The following PRKN variants were observed in gnomAD, a reference collection of about 807,000 sequenced individuals.
PRKN encodes parkin RBR E3 ubiquitin protein ligase, also known as E3 ubiquitin-protein ligase parkin.
A neutral mutation model predicts 59.5 loss-of-function variants in PRKN; 56 were observed. That is an observed-to-expected ratio of 0.94 (90% CI 0.76 to 1.18). The LOEUF is 1.18. PRKN is among the 50% of genes most tolerant of loss of function. The pLI is 0.00. For synonymous variants in PRKN, 250 were observed against 222.1 expected (o/e 1.13, Z -1.12); for missense variants, 657 against 596.4 (o/e 1.10, Z -1.06).
chr6:161,443,335 G>T (rs1789334221), intron 9 of PRKN, among the ~76,000 whole-genome samples: 1 of 151,754 alleles, frequency 6.6e-6, no homozygotes, highest in Non-Finnish European at 1.5e-5. Context: ...AAATCAGGGA[G>T]TGAAGTTCCT....
In PRKN at chr6:162,261,905, C is replaced by A. The variant is rs1779902470; in HGVS notation, c.412+620G>T. ...TCTTGCAGGCCCCAGAACTTTCTGA[C>A]ACTGTGAAGGCCATACCAGCCCACA... On this transcript the variant is annotated intron_variant, in intron 3 of 11. Transcript: ENST00000366898. Among the ~76,000 whole-genome samples, 2 of 152,102 alleles carry A rather than the reference C, an allele frequency of 1.3e-5. 1 individual carries two copies. The highest frequency in any genetic ancestry group is 4.1e-4 in the South Asian group (2 of 4,828).
Position 161,377,400 on chromosome 6 carries a change from G to T in PRKN, c.1167+9394C>A, listed in dbSNP as rs779477221. ...CTTGGGCTCACAACCATGGCCCCACGGTGGTAGTGGCCGGGCTGGGGAGAT... is the reference window on the plus strand; with the variant it reads ...CTTGGGCTCACAACCATGGCCCCACTGTGGTAGTGGCCGGGCTGGGGAGAT... On this transcript the variant is annotated intron_variant, in intron 10 of 11. Coordinates refer to ENST00000366898, the MANE Select transcript of PRKN (RefSeq NM_004562.3). The surrounding 1 kb of genome is among the most constrained non-coding windows in gnomAD (Gnocchi z 4.2). Among the ~76,000 whole-genome samples the T allele has an allele frequency of 2.6e-5, 4 of 152,246 alleles. No individual in the cohort carries two copies. The highest frequency in any genetic ancestry group is 5.9e-5 in the Non-Finnish European group (4 of 68,042).
At chr6:161,757,378 T>G (rs1032990587) in intron 7 of PRKN, among the ~76,000 whole-genome samples, 3 of 152,192 alleles carry the variant, frequency 2.0e-5, no homozygotes, top group African/African-American at 7.2e-5. Flanking sequence ...ATTCTTACAT[T>G]TTTATAGTAA....
chr6:161,610,330 G>C (rs1221013008), intron 7 of PRKN, among the ~76,000 whole-genome samples: 3 of 152,038 alleles, frequency 2.0e-5, no homozygotes, highest in Non-Finnish European at 2.9e-5. Flanking sequence ...GTTATCTTTT[G>C]TAAGGTCCTT....
Position 161,772,847 on chromosome 6 carries a change from A to G in PRKN, c.871+12925T>C, listed in dbSNP as rs1789752696. 2.0e-5 allele frequency among the ~76,000 whole-genome samples: 3 copies of G among 152,286 alleles called. No individual in the cohort carries two copies. The South Asian group carries it at 6.2e-4, about 32-fold the overall frequency. ...TATATAACAAAAATAAGAATGAAAA[A>G]ACCTTGAATGGAATAATTTGCACAT... is the stretch of plus-strand genomic sequence containing the variant. On this transcript the variant is annotated intron_variant, in intron 7 of 11. Transcript: ENST00000366898.
intron 2 of PRKN, among the ~76,000 whole-genome samples, chr6:162,419,982 G>C (rs1012138265): frequency 3.9e-5 from 6 of 152,148 alleles, no homozygotes; most frequent in Admixed American, 6.5e-5. Flanking sequence ...GGTTTCGTGG[G>C]AGACAGTTTC....
chr6:162,507,867 G>A (rs1164530006), intron 1 of PRKN, among the ~76,000 whole-genome samples: 3 of 152,118 alleles, frequency 2.0e-5, no homozygotes, highest in South Asian at 2.1e-4. Context: ...ATGGATTACC[G>A]AATAAATGTT....
intron 4 of PRKN, among the ~76,000 whole-genome samples, chr6:162,185,109 T>C (rs547442460): frequency 1.3e-5 from 2 of 152,194 alleles, no homozygotes; most frequent in Non-Finnish European, 2.9e-5. Flanking sequence ...GGCATTTTCC[T>C]AGATTTGTGA....
intron 1 of PRKN, among the ~76,000 whole-genome samples, chr6:162,526,958 C>A (rs1460088088): frequency 2.0e-5 from 3 of 152,092 alleles, no homozygotes; most frequent in African/African-American, 4.8e-5. Flanking sequence ...TGTAGACCAT[C>A]AAGCACCAGG....
At chr6:161,573,793 T>A (rs896474755) in intron 7 of PRKN, among the ~76,000 whole-genome samples, 2 of 101,836 alleles carry the variant, frequency 2.0e-5, no homozygotes, top group East Asian at 3.0e-4. Flanking sequence ...TATATATATA[T>A]ATAAAACTTC....
rs1392208367 is a variant in PRKN, at chr6:161,526,135, A to G, written c.1083+22719T>C. Among the ~76,000 whole-genome samples, 1 of 152,216 alleles carries G rather than the reference A, an allele frequency of 6.6e-6. No homozygotes were observed. Among genetic ancestry groups the G allele is most frequent in the Non-Finnish European group, 1.5e-5 (1 of 68,052 alleles). ...TCTTTTCCAACCTTCCTAAAAAAAA[A>G]GGTCAGTCCCATAAATACTCTCATC... On this transcript the variant is annotated intron_variant, in intron 9 of 11. Coordinates refer to ENST00000366898, the MANE Select transcript of PRKN (RefSeq NM_004562.3). The surrounding 1 kb of genome is among the most constrained non-coding windows in gnomAD (Gnocchi z 4.1).
chr6:162,414,625 G>A (rs1788523159), intron 2 of PRKN, among the ~76,000 whole-genome samples: 1 of 150,588 alleles, frequency 6.6e-6, no homozygotes, highest in Non-Finnish European at 1.5e-5. Context: ...GCAGGAGAAT[G>A]GCATAAGCCC....
chr6:161,703,702 T>C (rs13195455), intron 7 of PRKN, among the ~76,000 whole-genome samples: 2,012 of 152,206 alleles, frequency 0.013, 28 homozygotes, highest in Non-Finnish European at 0.018. Flanking sequence ...CTCTCAATCC[T>C]AGGTACTTTA....
intron 5 of PRKN, among the ~76,000 whole-genome samples, chr6:162,007,514 T>C (rs532177044): frequency 6.6e-6 from 1 of 152,262 alleles, no homozygotes; most frequent in Admixed American, 6.5e-5. Flanking sequence ...CCAAGCTTAA[T>C]GGGCAAGAGT....
intron 7 of PRKN, among the ~76,000 whole-genome samples, chr6:161,678,303 G>C (rs1339017082): frequency 2.3e-5 from 3 of 132,818 alleles, no homozygotes; most frequent in Non-Finnish European, 4.6e-5. Flanking sequence ...ACCATTCCTA[G>C]CTGTATGAGA....
At chr6:161,370,823 C>T (rs1226269303) in intron 10 of PRKN, among the ~76,000 whole-genome samples, 1 of 152,178 alleles carries the variant, frequency 6.6e-6, no homozygotes, top group African/African-American at 2.4e-5. Context: ...ACAGAGTTGG[C>T]TTAATTCAGC....
intron 1 of PRKN, among the ~76,000 whole-genome samples, chr6:162,714,573 T>C (rs1211749755): frequency 1.3e-5 from 2 of 152,214 alleles, no homozygotes; most frequent in Non-Finnish European, 2.9e-5. Context: ...CGGAGTAGCC[T>C]AGAATTAAAT....
In PRKN at chr6:161,550,738, CGTGTGT is replaced by C. The variant is rs57908717; in HGVS notation, c.934-1741_934-1736del. Among the ~76,000 whole-genome samples, 16 of 146,308 alleles carry C rather than the reference CGTGTGT, an allele frequency of 1.1e-4. No homozygotes were observed. The highest frequency in any genetic ancestry group is 6.0e-4 in the East Asian group (3 of 4,986). Reference sequence around the variant, plus strand: ...AAGAAAGGGTATGTGTGTGTGTGCACGTGTGTGTGTGTGTGTGTGTGTGTAGGGAGT... The same window carrying C: ...AAGAAAGGGTATGTGTGTGTGTGCACGTGTGTGTGTGTGTGTGTAGGGAGT... On this transcript the variant is annotated intron_variant, in intron 8 of 11. Coordinates refer to ENST00000366898, the MANE Select transcript of PRKN (RefSeq NM_004562.3). The surrounding 1 kb of genome is among the most constrained non-coding windows in gnomAD (Gnocchi z 4.0).
chr6:161,732,142 A>G (rs1787742804), intron 7 of PRKN, among the ~76,000 whole-genome samples: 1 of 149,760 alleles, frequency 6.7e-6, no homozygotes, highest in Non-Finnish European at 1.5e-5. Flanking sequence ...GCTGGAGTGT[A>G]ATGGTGCAAT....
Sources: allele counts gnomAD v4.1 joint callset (sites outside exome capture counted in the v4.1 genomes callset), GRCh38; gene constraint gnomAD v4.1.1; non-coding constraint Gnocchi (gnomAD v3.1); transcripts MANE v1.5; gene names NCBI Gene and HGNC (gene_info 2026-07-23, HGNC 2026-07-21).